ATP8A2: variants seen among roughly 807,000 people sequenced by gnomAD.
The protein encoded by ATP8A2 is phospholipid-transporting ATPase IB.
In ATP8A2, 100 loss-of-function variants were observed where a neutral mutation model predicts 165.6. The observed-to-expected ratio is 0.60, with a 90% confidence interval of 0.51 to 0.71. The LOEUF (loss-of-function observed/expected upper bound fraction) is 0.71, where lower values mean the gene tolerates loss of function less well. Ranked by LOEUF, ATP8A2 falls within the 30% of genes least tolerant of loss-of-function variation. ATP8A2 has a pLI of 0.00. For missense variants in ATP8A2, 1,227 were observed against 1,479.5 expected (o/e 0.83, Z 2.80); for synonymous variants, 543 against 548.8 (o/e 0.99, Z 0.15).
chr13:25,375,965 T>A (rs1206604673), intron 1 of ATP8A2, among the ~76,000 whole-genome samples: 3 of 152,288 alleles, frequency 2.0e-5, no homozygotes, highest in African/African-American at 7.2e-5. Context: ...AGGTATTTTT[T>A]AATGTGTGTT....
intron 25 of ATP8A2, among the ~76,000 whole-genome samples, chr13:25,723,767 G>A (rs528227818): frequency 3.3e-5 from 5 of 152,134 alleles, no homozygotes; most frequent in South Asian, 4.2e-4. Flanking sequence ...CTCCCTCCAC[G>A]TAACCCCCGA....
intron 35 of ATP8A2, among the ~76,000 whole-genome samples, chr13:25,982,145 C>A (rs1956181950): frequency 6.6e-6 from 1 of 152,132 alleles, no homozygotes; most frequent in Non-Finnish European, 1.5e-5. Flanking sequence ...GACCTTTTGC[C>A]CTTCTTGCTC....
At position 25,770,465 on chromosome 13, in the gene ATP8A2, G is replaced by A. The variant is rs916705919; in HGVS notation, c.2568+1236G>A. On this transcript the variant is annotated intron_variant, in intron 26 of 36. Coordinates refer to ENST00000381655, the MANE Select transcript of ATP8A2 (RefSeq NM_016529.6). Reference sequence around the variant, plus strand: ...TCTTCCCTGACTGATCAGCATTCCCGGCTCACTGGCTACCCCCACCCACCA... The same window carrying A: ...TCTTCCCTGACTGATCAGCATTCCCAGCTCACTGGCTACCCCCACCCACCA... 5.3e-5 allele frequency among the ~76,000 whole-genome samples: 8 copies of A among 151,998 alleles called. No homozygotes were observed. In the East Asian group the frequency reaches 1.2e-3, roughly 22 times the overall value.
At chr13:25,820,308 G>A (rs985645966) in intron 27 of ATP8A2, among the ~76,000 whole-genome samples, 1 of 152,114 alleles carries the variant, frequency 6.6e-6, no homozygotes, top group Non-Finnish European at 1.5e-5. Context: ...TACATTTGAG[G>A]ACCAAAAACC....
At chr13:25,892,848 G>A (rs1953419592) in intron 33 of ATP8A2, among the ~76,000 whole-genome samples, 1 of 149,362 alleles carries the variant, frequency 6.7e-6, no homozygotes, top group Non-Finnish European at 1.5e-5. Flanking sequence ...AATATTTGAT[G>A]ACTCCTGATA....
intron 1 of ATP8A2, among the ~76,000 whole-genome samples, chr13:25,446,202 C>T (rs1354674677): frequency 2.0e-5 from 3 of 152,132 alleles, no homozygotes; most frequent in Admixed American, 6.5e-5. Context: ...GTCATTGTCT[C>T]CTGCCCACCC....
At chr13:25,823,536 T>A (rs1019082309) in intron 27 of ATP8A2, among the ~76,000 whole-genome samples, 2 of 152,236 alleles carry the variant, frequency 1.3e-5, no homozygotes, top group African/African-American at 4.8e-5. Context: ...AAAATTCCTA[T>A]CACACTTTAT....
At chr13:25,409,370 C>T (rs577543225) in intron 1 of ATP8A2, among the ~76,000 whole-genome samples, 24 of 152,266 alleles carry the variant, frequency 1.6e-4, no homozygotes, top group African/African-American at 5.5e-4. Flanking sequence ...AGACAAGATC[C>T]TGGACATCCA....
rs542841438 is a variant in ATP8A2 at position 25,894,820 on chromosome 13, A to G, written c.3183+32412A>G. ...AATTGTGAATGGGAGTTCACTCATG[A>G]TTTGGCTCTCTGTTTGTCTGTTATT... On this transcript the variant is annotated intron_variant, in intron 33 of 36. Coordinates refer to ENST00000381655, the MANE Select transcript of ATP8A2 (RefSeq NM_016529.6). Among the ~76,000 whole-genome samples the G allele has an allele frequency of 3.3e-3, 506 of 152,110 alleles. 4 individuals are homozygous for G. Among genetic ancestry groups the G allele is most frequent in the Non-Finnish European group, 2.0e-3 (137 of 68,006 alleles).
chr13:25,607,008 T>TC (rs1055698729), intron 24 of ATP8A2, among the ~76,000 whole-genome samples: 9 of 151,944 alleles, frequency 5.9e-5, no homozygotes, highest in South Asian at 2.1e-4. Context: ...GCAGGCGAGC[T>TC]CCCATTTACC....
intron 27 of ATP8A2, among the ~76,000 whole-genome samples, chr13:25,785,224 C>A (rs1350894641): frequency 1.3e-5 from 2 of 151,636 alleles, no homozygotes; most frequent in South Asian, 2.1e-4. Flanking sequence ...CATGGTGAAA[C>A]CCTGTCTGTA....
intron 33 of ATP8A2, among the ~76,000 whole-genome samples, chr13:25,874,856 A>G (rs967536385): frequency 7.2e-5 from 11 of 152,008 alleles, no homozygotes; most frequent in African/African-American, 2.7e-4. Context: ...AATACAATAT[A>G]TACACACAAT....
chr13:25,568,629 G>A (rs1350023312), intron 16 of ATP8A2, among the ~76,000 whole-genome samples: 2 of 152,128 alleles, frequency 1.3e-5, no homozygotes, highest in Non-Finnish European at 2.9e-5. Context: ...GAGAGTTATT[G>A]TTTAATGGGT....
intron 16 of ATP8A2, among the ~76,000 whole-genome samples, chr13:25,568,045 T>A (rs2138160959): frequency 6.6e-6 from 1 of 152,352 alleles, no homozygotes; most frequent in South Asian, 2.1e-4. Context: ...AAACCCTTAC[T>A]TTCCTCCCAA....
rs149393987 is a variant in ATP8A2 at position 25,660,408 on chromosome 13, G to A, written c.2212-38765G>A. Among the ~76,000 whole-genome samples the A allele has an allele frequency of 2.2e-4, 34 of 152,290 alleles. 1 individual carries two copies. The highest frequency in any genetic ancestry group is 7.0e-4 in the African/African-American group (29 of 41,576). ...GTCCTTAAGGCAGGGTGGTACCCGG[G>A]CTGATGTAAATGAATAGACACCCAG... On this transcript the variant is annotated intron_variant, in intron 24 of 36. Coordinates refer to ENST00000381655, the MANE Select transcript of ATP8A2 (RefSeq NM_016529.6).
At chr13:25,572,976 G>A (rs2039510741) in intron 18 of ATP8A2, among the ~76,000 whole-genome samples, 1 of 152,142 alleles carries the variant, frequency 6.6e-6, no homozygotes, top group African/African-American at 2.4e-5. Context: ...TTCTTATGGA[G>A]TACAGAGATG....
chr13:25,768,081 G>A (rs12854163), intron 25 of ATP8A2, among the ~76,000 whole-genome samples: 1 of 133,530 alleles, frequency 7.5e-6, no homozygotes, highest in Non-Finnish European at 1.6e-5. Context: ...TGGCGTGGGG[G>A]GGGGGTGGTG....
chr13:25,927,000 C>T (rs929335337), intron 33 of ATP8A2: 2 of 390,542 alleles, frequency 5.1e-6, no homozygotes, highest in Non-Finnish European at 1.1e-5. Context: ...TCCCTGCATC[C>T]TGCTGTGCCT....
intron 33 of ATP8A2, among the ~76,000 whole-genome samples, chr13:25,931,203 A>T (rs1211019139): frequency 6.6e-6 from 1 of 152,206 alleles, no homozygotes; most frequent in Non-Finnish European, 1.5e-5. Context: ...AGATGCATAG[A>T]ACACGGTTCA....
Sources: allele counts gnomAD v4.1 joint callset (sites outside exome capture counted in the v4.1 genomes callset), GRCh38; gene constraint gnomAD v4.1.1; transcripts MANE v1.5; gene names NCBI Gene and HGNC (gene_info 2026-07-23, HGNC 2026-07-21).